Variants in TUT4 observed in about 807,000 individuals in gnomAD.
The protein encoded by TUT4 is terminal uridylyltransferase 4.
TUT4 carries 36 observed loss-of-function variants against 192.2 expected under a neutral mutation model. That is an observed-to-expected ratio of 0.19 (90% confidence interval 0.14 to 0.25). The LOEUF is 0.25. Ranked by LOEUF, TUT4 falls within the 10% of genes least tolerant of loss-of-function variation. The pLI is 1.00. For missense variants in TUT4, 1,493 were observed against 1,957.2 expected, an observed-to-expected ratio of 0.76 and a Z score of 4.47; for synonymous variants, 618 against 666.0, an observed-to-expected ratio of 0.93 and a Z score of 1.11.
At chr1:52,430,715 C>G (rs961172579) in intron 28 of TUT4, among the ~76,000 whole-genome samples, 1 of 152,208 alleles carries the variant, frequency 6.6e-6, no homozygotes, top group Non-Finnish European at 1.5e-5. Flanking sequence ...TAATAGCTAA[C>G]ATTTATGTGT....
At chr1:52,441,879 T>C (rs1465637027) in intron 24 of TUT4, among the ~76,000 whole-genome samples, 1 of 151,990 alleles carries the variant, frequency 6.6e-6, no homozygotes. Context: ...TCAAGGTATA[T>C]GTCAGATGGC....
intron 27 of TUT4, chr1:52,434,979 GTATATATTGCCCT>G (rs754830264): frequency 6.5e-6 from 1 of 154,730 alleles, no homozygotes; most frequent in Non-Finnish European, 1.4e-5. Flanking sequence ...AAAATGCCAT[GTATATATTGCCCT>G]AACAACACTA....
chr1:52,514,249 T>C (rs1288634085), intron 3 of TUT4, among the ~76,000 whole-genome samples: 1 of 152,160 alleles, frequency 6.6e-6, no homozygotes, highest in Non-Finnish European at 1.5e-5. Flanking sequence ...GAGACCAAAC[T>C]GGCCAATATA....
At chr1:52,446,759 G>A in intron 20 of TUT4, 92 bp from the exon 21 acceptor site, 2 of 845,772 alleles carry the variant, frequency 2.4e-6, no homozygotes, top group Non-Finnish European at 3.6e-6. Flanking sequence ...TTACCTATAA[G>A]ACATACTAAA....
At chr1:52,525,465 A>G (rs1477247777) in intron 2 of TUT4, 98 bp downstream of exon 2, 2 of 1,440,060 alleles carry the variant, frequency 1.4e-6, no homozygotes, top group African/African-American at 2.9e-5. Context: ...AGTGCTAAAC[A>G]ATTATGTATA....
At chr1:52,502,587 TTAAG>T (rs1674437252) in intron 4 of TUT4, among the ~76,000 whole-genome samples, 2 of 150,622 alleles carry the variant, frequency 1.3e-5, no homozygotes, top group South Asian at 4.2e-4. Context: ...TGTGTTTTCA[TTAAG>T]TAAGCCCTCT....
In TUT4 at chr1:52,423,748, C is replaced by G. The variant is rs192453374; in HGVS notation, c.*187G>C. On this transcript the variant is annotated 3_prime_UTR_variant, in exon 30 of 30. Coordinates refer to ENST00000257177, the MANE Select transcript of TUT4 (RefSeq NM_001009881.3). ...AAATAATACAGTCTGTAAAAACAGT[C>G]TTAGAATTTAAATAAGCTATCTAAA... is the stretch of plus-strand genomic sequence containing the variant. 586 of 1,396,224 alleles carry G rather than the reference C, an allele frequency of 4.2e-4. No individual in the cohort carries two copies. The highest frequency in any genetic ancestry group is 3.5e-3 in the Admixed American group (174 of 49,040). The allele number at this position is 1,396,224 out of a possible 1,614,324, so 86.5% of individuals were successfully genotyped here.
At chr1:52,498,480 G>A (rs1441356146) in intron 4 of TUT4, among the ~76,000 whole-genome samples, 2 of 151,946 alleles carry the variant, frequency 1.3e-5, no homozygotes, top group East Asian at 2.0e-4. Context: ...TGCTGACCTC[G>A]TGGTCCACCC....
At chr1:52,464,078 T>C (rs1663381085) in intron 16 of TUT4, among the ~76,000 whole-genome samples, 3 of 152,158 alleles carry the variant, frequency 2.0e-5, no homozygotes, top group Admixed American at 2.0e-4. Flanking sequence ...AGTTTATCTT[T>C]CAAAGCCTCA....
At chr1:52,425,298 C>A in intron 29 of TUT4, 51 bp downstream of exon 29, 1 of 1,574,734 alleles carries the variant, frequency 6.4e-7, no homozygotes, top group Non-Finnish European at 8.6e-7. Context: ...GGCTCTCTAT[C>A]CCAGAATAAA....
intron 1 of TUT4, among the ~76,000 whole-genome samples, chr1:52,532,018 G>T (rs991191458): frequency 6.7e-6 from 1 of 148,992 alleles, no homozygotes; most frequent in African/African-American, 2.5e-5. Context: ...CTCCTGAGTA[G>T]CTGGGACTAC....
intron 1 of TUT4, among the ~76,000 whole-genome samples, chr1:52,550,441 A>C: frequency 6.8e-6 from 1 of 147,994 alleles, no homozygotes; most frequent in East Asian, 2.1e-4. Context: ...CAACTCATTG[A>C]GTTCTATTTT....
chr1:52,526,477 G>T, intron 1 of TUT4, 104 bp from the exon 2 acceptor site: 10 of 311,226 alleles, frequency 3.2e-5, no homozygotes, highest in East Asian at 5.9e-5. Flanking sequence ...TCTAAAAACT[G>T]AAGAAATTGT....
intron 24 of TUT4, among the ~76,000 whole-genome samples, chr1:52,443,637 C>T (rs1247043986): frequency 1.3e-5 from 2 of 151,878 alleles, no homozygotes; most frequent in East Asian, 3.9e-4. Context: ...GTGGCTGATG[C>T]CTGAAATCTC....
chr1:52,533,261 T>A (rs1683985788), intron 1 of TUT4, among the ~76,000 whole-genome samples: 1 of 152,236 alleles, frequency 6.6e-6, no homozygotes, highest in Admixed American at 6.5e-5. Flanking sequence ...CTTTGTTTTT[T>A]AAGCCACTCT....
chr1:52,463,904 G>A (rs1570580960), intron 16 of TUT4: 1 of 685,236 alleles, frequency 1.5e-6, no homozygotes, highest in East Asian at 6.6e-5. Flanking sequence ...CAGTGGTTAG[G>A]TTCTACAGTA....
At chr1:52,469,923 T>C (rs943060120) in intron 14 of TUT4, among the ~76,000 whole-genome samples, 2 of 148,802 alleles carry the variant, frequency 1.3e-5, no homozygotes, top group African/African-American at 2.5e-5. Context: ...CGGCTACATA[T>C]AGAAATCTTT....
intron 24 of TUT4, among the ~76,000 whole-genome samples, chr1:52,443,674 G>A (rs1656430595): frequency 6.6e-6 from 1 of 151,580 alleles, no homozygotes. Context: ...AAGGGAGGAG[G>A]ATCACTTGAG....
At chr1:52,487,131 A>C (rs1209934743) in intron 9 of TUT4, among the ~76,000 whole-genome samples, 1 of 152,146 alleles carries the variant, frequency 6.6e-6, no homozygotes, top group Admixed American at 6.5e-5. Flanking sequence ...TGAAGCTCAG[A>C]TAGGTGAAGT....
Sources: gnomAD v4.1 joint callset for allele counts (sites outside exome capture counted in the v4.1 genomes callset) on GRCh38, gnomAD v4.1.1 for gene constraint, MANE v1.5 for transcripts, NCBI Gene and HGNC (gene_info 2026-07-23, HGNC 2026-07-21) for gene names.